Variants in PATJ observed in about 807,000 individuals in gnomAD.
PATJ encodes the protein inaD-like protein.
In PATJ, 190 loss-of-function variants were observed where a neutral mutation model predicts 224.9. The ratio of observed to expected loss-of-function variants is 0.84; its 90% confidence interval spans 0.75 to 0.95. PATJ has a LOEUF of 0.95. PATJ is among the 40% of genes least tolerant of loss of function. The probability of loss-of-function intolerance (pLI) is 0.00; values close to 1 mark genes in which losing one functional copy is unlikely to be tolerated. For synonymous variants in PATJ, 769 were observed against 820.3 expected, an observed-to-expected ratio of 0.94 and a Z score of 1.07; for missense variants, 2,121 against 2,270.3, an observed-to-expected ratio of 0.93 and a Z score of 1.34.
intron 17 of PATJ, among the ~76,000 whole-genome samples, chr1:61,843,273 T>G (rs74076192): frequency 0.014 from 2,100 of 152,324 alleles, 48 homozygotes; most frequent in African/African-American, 0.048. Context: ...TATGGTATGG[T>G]TGAGAGGACT....
At position 61,896,676 on chromosome 1, in the gene PATJ, A is replaced by G. The variant is rs375549533; in HGVS notation, c.3132-2907A>G. Among the ~76,000 whole-genome samples the G allele has an allele frequency of 2.9e-4, 44 of 152,280 alleles. No individual in the cohort carries two copies. The East Asian group carries it at 5.6e-3, about 19-fold the overall frequency. The stretch of plus-strand genomic sequence containing the variant: ...TGTACCCACCCAAATTTCATCTCAA[A>G]TTGTATTTCCCATGTGTCAGGTGAG... On this transcript the variant is annotated intron_variant, in intron 22 of 43. Coordinates refer to ENST00000642238, the MANE Select transcript of PATJ (RefSeq NM_001350145.3).
chr1:62,148,311 A>G lies in PATJ; in HGVS notation c.5299A>G (p.Ile1767Val). Residue 1767 changes from isoleucine to valine, a missense_variant, in exon 42 of 44, where the codon ATA (isoleucine) becomes GTA (valine). Physicochemically the swap from Ile to Val is conservative, Grantham distance 29. Coordinates refer to ENST00000642238, the MANE Select transcript of PATJ (RefSeq NM_001350145.3). ...TGTAGCAGATACCAATATAAGCGCC[A>G]TAGCAGCTCAGCTTGAAAACATGTC... is the stretch of plus-strand genomic sequence containing the variant. ...QVVADTNISA[I>V]AAQLENMSTG... 1.2e-6 allele frequency: 2 copies of G among 1,613,856 alleles called. No individual in the cohort carries two copies. Among genetic ancestry groups the G allele is most frequent in the Non-Finnish European group, 1.7e-6 (2 of 1,179,890 alleles).
chr1:62,125,252 AACAAAAAAAAAC>A lies in PATJ; in HGVS notation c.5043+2196_5043+2207del, dbSNP rs1472338293. On this transcript the variant is annotated intron_variant, in intron 39 of 43. Transcript: ENST00000642238. ...ACCCTGTCTCAAAAAAAAAAAAAAA[AACAAAAAAAAAC>A]AAAAAAAAAACGCCATTAGCTCTAT... Among the ~76,000 whole-genome samples the A allele has an allele frequency of 5.9e-4, 56 of 94,838 alleles. 5 individuals are homozygous for A. The highest frequency in any genetic ancestry group is 3.3e-3 in the East Asian group (11 of 3,296). The allele number at this position is 94,838 out of a possible 152,430, so 62.2% of individuals were successfully genotyped here.
chr1:61,876,306 A>G (rs1378129267), intron 21 of PATJ, among the ~76,000 whole-genome samples: 1 of 152,226 alleles, frequency 6.6e-6, no homozygotes, highest in African/African-American at 2.4e-5. Flanking sequence ...CTAAGATTAG[A>G]TGAATCTACC....
intron 27 of PATJ, among the ~76,000 whole-genome samples, chr1:61,979,496 T>C (rs565382992): frequency 1.1e-4 from 17 of 151,596 alleles, no homozygotes; most frequent in Admixed American, 3.3e-4. Context: ...CTACTAAAAA[T>C]ACAAAAATTA....
intron 29 of PATJ, among the ~76,000 whole-genome samples, chr1:62,035,340 T>C (rs910775667): frequency 1.4e-4 from 21 of 152,220 alleles, no homozygotes; most frequent in Non-Finnish European, 2.4e-4. Flanking sequence ...ATAGATAGTC[T>C]AAGAATCCAA....
intron 27 of PATJ, among the ~76,000 whole-genome samples, chr1:61,938,231 A>T (rs1425727230): frequency 1.3e-5 from 2 of 152,176 alleles, no homozygotes; most frequent in East Asian, 3.8e-4. Flanking sequence ...GTCTAAGTGG[A>T]TGGGGGATTC....
chr1:61,801,655 C>G lies in PATJ; in HGVS notation c.1435C>G (p.Leu479Val), dbSNP rs753682973. Residue 479 changes from leucine (L) to valine (V), a missense_variant, in exon 12 of 44, where the codon CTC (leucine) becomes GTC (valine). Coordinates refer to ENST00000642238, the MANE Select transcript of PATJ (RefSeq NM_001350145.3). Reference sequence around the variant, plus strand: ...TGTAGAACCACTGAAACCACCAGCTCTCTTTCTAACTGGAGCAGTGGAAAC... The same window carrying G: ...TGTAGAACCACTGAAACCACCAGCTGTCTTTCTAACTGGAGCAGTGGAAAC... ...TVVEPLKPPALFLTGAVETET... is the reference protein window; with the variant it reads ...TVVEPLKPPAVFLTGAVETET... 6 of 1,594,858 alleles carry G rather than the reference C, an allele frequency of 3.8e-6. No individual in the cohort carries two copies. The highest frequency in any genetic ancestry group is 4.5e-5 in the East Asian group (2 of 44,670).
chr1:61,950,348 C>T (rs181424183), intron 27 of PATJ, among the ~76,000 whole-genome samples: 2 of 152,264 alleles, frequency 1.3e-5, no homozygotes, highest in Admixed American at 1.3e-4. Context: ...TAATTTGCCC[C>T]AAACCACTAA....
At chr1:61,837,651 G>A (rs577420145) in intron 17 of PATJ, among the ~76,000 whole-genome samples, 3 of 152,090 alleles carry the variant, frequency 2.0e-5, no homozygotes, top group East Asian at 1.9e-4. Flanking sequence ...TTAGCCAGGC[G>A]TGGTGGTGCA....
At chr1:62,117,292 G>A (rs752824370) in intron 37 of PATJ, 74 bp downstream of exon 37, 1 of 1,598,270 alleles carries the variant, frequency 6.3e-7, no homozygotes, top group Non-Finnish European at 8.5e-7. Context: ...TTTAATAAAT[G>A]GTTGTTTGGA....
At chr1:61,911,695 T>TATTTATATATA (rs1672666028) in intron 25 of PATJ, among the ~76,000 whole-genome samples, 2 of 140,616 alleles carry the variant, frequency 1.4e-5, no homozygotes, top group Admixed American at 7.2e-5. Flanking sequence ...CTATATATTT[T>TATTTATATATA]TATATATATA....
chr1:61,845,488 C>T lies in PATJ; in HGVS notation c.2113-10542C>T, dbSNP rs113421914. Among the ~76,000 whole-genome samples, 413 of 152,244 alleles carry T rather than the reference C, an allele frequency of 2.7e-3. 2 individuals are homozygous for T. The highest frequency in any genetic ancestry group is 9.6e-3 in the African/African-American group (397 of 41,538). ...CAGATTATTCTTGAAGCCTTATGAT[C>T]CCTTGCCTTTACTCCTCTCACCTGG... On this transcript the variant is annotated intron_variant, in intron 17 of 43. Transcript: ENST00000642238.
intron 15 of PATJ, among the ~76,000 whole-genome samples, chr1:61,826,249 G>GC (rs1244287718): frequency 2.6e-5 from 4 of 152,196 alleles, no homozygotes; most frequent in African/African-American, 7.2e-5. Flanking sequence ...CTGAGACTCA[G>GC]CCCGCTGCTG....
intron 17 of PATJ, among the ~76,000 whole-genome samples, chr1:61,843,650 T>C (rs1661458042): frequency 6.6e-6 from 1 of 150,646 alleles, no homozygotes; most frequent in African/African-American, 2.4e-5. Flanking sequence ...GTCCAGGAGT[T>C]CAGAGGCTGC....
At chr1:61,877,240 C>T (rs904660835) in intron 21 of PATJ, among the ~76,000 whole-genome samples, 6 of 134,642 alleles carry the variant, frequency 4.5e-5, no homozygotes, top group Admixed American at 4.3e-4. Context: ...GGTTATTCAA[C>T]AGCATATCAG....
chr1:62,046,225 AAAGGAAGG>A (rs1253131993), intron 30 of PATJ, among the ~76,000 whole-genome samples: 1 of 123,372 alleles, frequency 8.1e-6, no homozygotes, highest in African/African-American at 3.4e-5. Flanking sequence ...GGAAGGAAGG[AAAGGAAGG>A]AAGGGAGGGA....
Position 61,808,457 on chromosome 1 carries a change from T to G in PATJ, c.1627-17T>G. ...TTATGCTTTTACAAATACTGGAAAT[T>G]TTTTTTGTAAATTTAGGTTGCTACT... On this transcript the variant is annotated splice_polypyrimidine_tract_variant and intron_variant, in intron 13 of 43. Coordinates refer to ENST00000642238, the MANE Select transcript of PATJ (RefSeq NM_001350145.3). The G allele has an allele frequency of 1.9e-6, 3 of 1,559,758 alleles. No individual in the cohort carries two copies. Among genetic ancestry groups the G allele is most frequent in the African/African-American group, 2.7e-5 (2 of 73,756 alleles).
intron 12 of PATJ, among the ~76,000 whole-genome samples, chr1:61,804,537 G>T (rs1653147844): frequency 6.6e-6 from 1 of 152,156 alleles, no homozygotes; most frequent in African/African-American, 2.4e-5. Flanking sequence ...TATATCAGTT[G>T]TGATAACTGT....
Sources: gnomAD v4.1 joint callset for allele counts (sites outside exome capture counted in the v4.1 genomes callset) on GRCh38, gnomAD v4.1.1 for gene constraint, MANE v1.5 for transcripts, NCBI Gene and HGNC (gene_info 2026-07-23, HGNC 2026-07-21) for gene names.